Variants in ABCA1 observed in about 807,000 individuals in gnomAD.
The protein encoded by ABCA1 is ATP binding cassette subfamily A member 1.
ABCA1 carries 133 observed loss-of-function variants against 262.5 expected under a neutral mutation model. That is an observed-to-expected ratio of 0.51 (90% confidence interval 0.44 to 0.59). ABCA1 has a LOEUF of 0.59. ABCA1 is among the 20% of genes least tolerant of loss of function. ABCA1 has a pLI of 0.00. For missense variants in ABCA1, 2,452 were observed against 2,777.5 expected, an observed-to-expected ratio of 0.88 and a Z score of 2.63; for synonymous variants, 1,022 against 1,043.5, an observed-to-expected ratio of 0.98 and a Z score of 0.40.
At chr9:104,859,288 A>G (rs1029312063) in intron 6 of ABCA1, among the ~76,000 whole-genome samples, 19 of 152,190 alleles carry the variant, frequency 1.2e-4, no homozygotes. Context: ...AATCATTCTT[A>G]TCTTTTCTTT....
At chr9:104,821,677 A>C (rs1229306946) in intron 19 of ABCA1, among the ~76,000 whole-genome samples, 171 bp from the exon 20 acceptor site, 1 of 152,248 alleles carries the variant, frequency 6.6e-6, no homozygotes, top group African/African-American at 2.4e-5. Context: ...TGCTTCGGTA[A>C]ATAACTACAA....
chr9:104,784,411 T>C lies in ABCA1; in HGVS notation c.6690A>G (p.Leu2230=), dbSNP rs1216047745. 1 of 1,614,148 alleles carries C rather than the reference T, an allele frequency of 6.2e-7. No homozygotes were observed. Among genetic ancestry groups the C allele is most frequent in the East Asian group, 2.2e-5 (1 of 44,860 alleles). ...GGTTTTTGTGTAATGAGAGGTCTTT[T>C]AAGTGGTCATCATCACTTTGGTCCT... is the stretch of plus-strand genomic sequence containing the variant. ...FAKDQSDDDH[L]KDLSLHKNQT... is the part of the protein sequence containing the mutation. Residue 2230 remains leucine (L), a synonymous_variant, in exon 50 of 50, where the codon TTA becomes TTG. Transcript: ENST00000374736.
intron 1 of ABCA1, among the ~76,000 whole-genome samples, chr9:104,907,459 C>T (rs554877713): frequency 1.3e-5 from 2 of 152,138 alleles, no homozygotes; most frequent in African/African-American, 2.4e-5. Flanking sequence ...GCAAAAGGGT[C>T]CTGGCTTGTC....
At chr9:104,850,961 T>C (rs1006501957) in intron 7 of ABCA1, among the ~76,000 whole-genome samples, 1 of 152,228 alleles carries the variant, frequency 6.6e-6, no homozygotes, top group African/African-American at 2.4e-5. Context: ...CAGGAATTCA[T>C]GTATGACTCA....
chr9:104,858,492 G>A (rs1276879984), intron 7 of ABCA1, 30 bp downstream of exon 7: 1 of 1,610,396 alleles, frequency 6.2e-7, no homozygotes, highest in Non-Finnish European at 8.5e-7. Context: ...ATTAGTGCTT[G>A]AAGTTTCTCC....
In ABCA1 at chr9:104,797,963, T is replaced by C. The variant is rs564218816; in HGVS notation, c.5121+458A>G. ...CCCATATTGGTCCAAATAGAAGCAA[T>C]ATATTGTGGCTGGCACAAAAACATA... On this transcript the variant is annotated intron_variant, in intron 37 of 49. Transcript: ENST00000374736. Among the ~76,000 whole-genome samples, 334 of 152,322 alleles carry C rather than the reference T, an allele frequency of 2.2e-3. 1 individual carries two copies. Among genetic ancestry groups the C allele is most frequent in the African/African-American group, 7.6e-3 (316 of 41,578 alleles).
chr9:104,902,911 A>G (rs1336235823), intron 2 of ABCA1, among the ~76,000 whole-genome samples: 1 of 152,178 alleles, frequency 6.6e-6, no homozygotes, highest in Non-Finnish European at 1.5e-5. Context: ...GAAACTAACT[A>G]CAGAGAAATG....
chr9:104,809,611 G>A (rs748213745), intron 29 of ABCA1, 47 bp from the exon 30 acceptor site: 6 of 1,473,680 alleles, frequency 4.1e-6, no homozygotes, highest in Non-Finnish European at 5.7e-6. Context: ...ATTAAAACCA[G>A]TAATCGAGAG....
Position 104,831,003 on chromosome 9 carries a change from A to T in ABCA1, c.1814T>A (p.Ile605Asn). ...YLQDVVEQAI[I>N]RVLTGTEKKT... is the part of the protein sequence containing the mutation. ...CTTCTCGGTGCCCGTCAGCACCCTG[A>T]TGATTGCCTGCTCCACCACATCCTG... Residue 605 changes from isoleucine to asparagine, a missense_variant, in exon 14 of 50, where the codon ATC becomes AAC. Physicochemically the swap from Ile to Asn is moderately radical, Grantham distance 149. Coordinates refer to ENST00000374736, the MANE Select transcript of ABCA1 (RefSeq NM_005502.4). 1 of 1,613,972 alleles carries T rather than the reference A, an allele frequency of 6.2e-7. No individual in the cohort carries two copies. Among genetic ancestry groups the T allele is most frequent in the Non-Finnish European group, 8.5e-7 (1 of 1,179,970 alleles).
chr9:104,793,155 C>G lies in ABCA1; in HGVS notation c.5636+16G>C. The G allele has an allele frequency of 6.2e-7, 1 of 1,613,868 alleles. No homozygotes were observed. The highest frequency in any genetic ancestry group is 1.3e-5 in the African/African-American group (1 of 74,974). On this transcript the variant is annotated intron_variant, in intron 41 of 49. Transcript: ENST00000374736. ...CCCTCAACCAGGTGCTCCACGGGTT[C>G]TAAGAAAAAGCTCACCTGGGCCTGA...
intron 5 of ABCA1, among the ~76,000 whole-genome samples, chr9:104,882,550 A>C (rs1838784977): frequency 6.6e-6 from 1 of 152,268 alleles, no homozygotes; most frequent in Non-Finnish European, 1.5e-5. Flanking sequence ...TTTTAAAGAC[A>C]ACAAGTTCAA....
chr9:104,900,394 C>G (rs772483920), intron 2 of ABCA1, among the ~76,000 whole-genome samples: 1 of 152,206 alleles, frequency 6.6e-6, no homozygotes, highest in Non-Finnish European at 1.5e-5. Flanking sequence ...TCCAGGATCT[C>G]AGGAGACAGG....
chr9:104,864,936 A>C (rs1004460425), intron 5 of ABCA1, among the ~76,000 whole-genome samples: 2 of 152,250 alleles, frequency 1.3e-5, no homozygotes, highest in Non-Finnish European at 2.9e-5. Context: ...ATGAGACATA[A>C]GAACCCAGAG....
At chr9:104,888,617 A>C (rs1200143037) in intron 3 of ABCA1, among the ~76,000 whole-genome samples, 1 of 152,206 alleles carries the variant, frequency 6.6e-6, no homozygotes, top group Non-Finnish European at 1.5e-5. Context: ...CTGTTATCAA[A>C]ATACATGATT....
At chr9:104,800,028 A>T (rs908670898) in intron 35 of ABCA1, 40 bp from the exon 36 acceptor site, 1 of 1,612,706 alleles carries the variant, frequency 6.2e-7, no homozygotes, top group African/African-American at 1.3e-5. Flanking sequence ...ATGCCCCCAA[A>T]CCGGGCTCCT....
intron 16 of ABCA1, 62 bp downstream of exon 16, chr9:104,826,886 T>G (rs1444557061): frequency 6.4e-5 from 94 of 1,471,192 alleles, no homozygotes; most frequent in Non-Finnish European, 8.3e-5. Flanking sequence ...CTGCTTTTAT[T>G]CAGGGACTCC....
At chr9:104,789,230 C>T (rs774045185) in intron 44 of ABCA1, among the ~76,000 whole-genome samples, 1 of 152,194 alleles carries the variant, frequency 6.6e-6, no homozygotes, top group East Asian at 1.9e-4. Flanking sequence ...ACGTGGACAC[C>T]GTGCCAGGCC....
intron 1 of ABCA1, among the ~76,000 whole-genome samples, chr9:104,913,679 C>G (rs879165615): frequency 6.6e-6 from 1 of 152,138 alleles, no homozygotes; most frequent in Non-Finnish European, 1.5e-5. Flanking sequence ...TATAAAACCC[C>G]CTCTTGGGGG....
At chr9:104,822,733 A>C in intron 18 of ABCA1, 66 bp from the exon 19 acceptor site, 2 of 1,585,328 alleles carry the variant, frequency 1.3e-6, no homozygotes, top group Non-Finnish European at 1.7e-6. Flanking sequence ...GTAAGGACAC[A>C]GGGCACTGCG....
Sources: gnomAD v4.1 joint callset for allele counts (sites outside exome capture counted in the v4.1 genomes callset) on GRCh38, gnomAD v4.1.1 for gene constraint, MANE v1.5 for transcripts, NCBI Gene and HGNC (gene_info 2026-07-23, HGNC 2026-07-21) for gene names.